The following CORIN variants were observed in gnomAD, a reference collection of about 807,000 sequenced individuals.
The protein encoded by CORIN is atrial natriuretic peptide-converting enzyme.
In CORIN, 117 loss-of-function variants were observed where a neutral mutation model predicts 125.3. That is an observed-to-expected ratio of 0.93 (90% CI 0.80 to 1.09). CORIN has a LOEUF of 1.09. Among genes scored for constraint, CORIN ranks in the 50% least tolerant of loss-of-function variants. The pLI is 0.00. For synonymous variants in CORIN, 450 were observed against 466.4 expected, an observed-to-expected ratio of 0.96 and a Z score of 0.45; for missense variants, 1,253 against 1,306.7, an observed-to-expected ratio of 0.96 and a Z score of 0.63.
Position 47,594,137 on chromosome 4 carries a change from T to A in CORIN, c.*1584A>T, listed in dbSNP as rs1387855216. 6.6e-6 allele frequency: 1 copy of A among 152,186 alleles called. No homozygotes were observed. Among genetic ancestry groups the A allele is most frequent in the East Asian group, 1.9e-4 (1 of 5,204 alleles). 9.4% of individuals were successfully genotyped at this position (152,186 alleles called of 1,614,324 possible). Reference sequence around the variant, plus strand: ...CTACAACTGTAACAAAACTGACATATGTTCTTGAACTTTCATACAATCGTG... The same window carrying A: ...CTACAACTGTAACAAAACTGACATAAGTTCTTGAACTTTCATACAATCGTG... On this transcript the variant is annotated 3_prime_UTR_variant, in exon 22 of 22. Coordinates refer to ENST00000273857, the MANE Select transcript of CORIN (RefSeq NM_006587.4).
intron 2 of CORIN, among the ~76,000 whole-genome samples, chr4:47,795,048 T>G (rs1731235427): frequency 6.6e-6 from 1 of 152,190 alleles, no homozygotes; most frequent in African/African-American, 2.4e-5. Flanking sequence ...AAAGAGAGTA[T>G]TCTTTCCCCC....
chr4:47,675,182 G>T (rs1724959248), intron 9 of CORIN, among the ~76,000 whole-genome samples: 1 of 152,060 alleles, frequency 6.6e-6, no homozygotes, highest in Non-Finnish European at 1.5e-5. Context: ...TTGATTCCCT[G>T]GTCATTTGTA....
chr4:47,661,827 C>G lies in CORIN; in HGVS notation c.1619G>C (p.Cys540Ser). The part of the protein sequence containing the change: ...RALCEHSKER[C>S]ESVLGIVGLQ... Reference sequence around the variant, plus strand: ...GCCCACAATCCCAAGAACAGACTCACAGCGTTCTTTAGAGTGTTCACACAA... The same window carrying G: ...GCCCACAATCCCAAGAACAGACTCAGAGCGTTCTTTAGAGTGTTCACACAA... The change falls in exon 12 of 22, where the codon TGT (cysteine) becomes TCT (serine). Residue 540 changes from cysteine (C) to serine (S), a missense_variant. Cys to Ser is a moderately radical substitution (Grantham distance 112). Transcript: ENST00000273857. 6.2e-7 allele frequency: 1 copy of G among 1,612,958 alleles called. No homozygotes were observed. The highest frequency in any genetic ancestry group is 8.5e-7 in the Non-Finnish European group (1 of 1,179,374).
intron 5 of CORIN, among the ~76,000 whole-genome samples, chr4:47,696,089 T>C (rs971767285): frequency 2.0e-5 from 3 of 152,234 alleles, no homozygotes; most frequent in Non-Finnish European, 2.9e-5. Context: ...GACAAATGTC[T>C]GTCTTGCAGT....
intron 1 of CORIN, among the ~76,000 whole-genome samples, chr4:47,833,202 CAT>C (rs1194074545): frequency 6.6e-6 from 1 of 151,676 alleles, no homozygotes; most frequent in Non-Finnish European, 1.5e-5. Flanking sequence ...GTATGGTACT[CAT>C]ATGAAAACAG....
intron 13 of CORIN, among the ~76,000 whole-genome samples, chr4:47,648,173 A>G (rs1380820176): frequency 6.6e-6 from 1 of 152,222 alleles, no homozygotes; most frequent in Non-Finnish European, 1.5e-5. Context: ...TATATTCTAA[A>G]AGGAAAAGGA....
chr4:47,817,717 G>A (rs73137918), intron 1 of CORIN, among the ~76,000 whole-genome samples: 2,492 of 152,286 alleles, frequency 0.016, 80 homozygotes, highest in African/African-American at 0.058. Context: ...TCCTCCTTAT[G>A]TTGTTTTAAG....
chr4:47,776,638 G>C (rs1730316221), intron 3 of CORIN, among the ~76,000 whole-genome samples: 1 of 152,138 alleles, frequency 6.6e-6, no homozygotes, highest in African/African-American at 2.4e-5. Context: ...CTCTGAGCTT[G>C]AGTACTTAAA....
Position 47,623,096 on chromosome 4 carries a change from C to CTATATATATA in CORIN, c.2540+465_2540+474dup, listed in dbSNP as rs1553904935. Among the ~76,000 whole-genome samples, 41 of 102,294 alleles carry CTATATATATA rather than the reference C, an allele frequency of 4.0e-4. No individual in the cohort carries two copies. The East Asian group carries it at 6.0e-3, about 15-fold the overall frequency. The allele number at this position is 102,294 out of a possible 152,430, so 67.1% of individuals were successfully genotyped here. ...TCTCTCTCTCTCTCTCTCTCTCTCT[C>CTATATATATA]TATATATATATATATATATATACAC... On this transcript the variant is annotated intron_variant, in intron 19 of 21. Transcript: ENST00000273857.
chr4:47,614,145 A>C (rs1214743893), intron 19 of CORIN, among the ~76,000 whole-genome samples: 1 of 152,202 alleles, frequency 6.6e-6, no homozygotes, highest in African/African-American at 2.4e-5. Flanking sequence ...GTAGATAAGT[A>C]AGACAAAGCA....
At position 47,623,922 on chromosome 4, in the gene CORIN, A is replaced by G. The variant is rs1261314497; in HGVS notation, c.2342T>C (p.Ile781Thr). 1 of 1,613,868 alleles carries G rather than the reference A, an allele frequency of 6.2e-7. No homozygotes were observed. Among genetic ancestry groups the G allele is most frequent in the South Asian group, 1.1e-5 (1 of 91,048 alleles). ...ACCTTGTTTAGTACACAGAAGAGAA[A>G]TTTTACTTCTGCTCTCACAAGACTG... ...NGQSCESRSKISLLCTKQDCG... is the reference protein window; with the variant it reads ...NGQSCESRSKTSLLCTKQDCG... The change falls in exon 18 of 22, where the codon ATT becomes ACT. Residue 781 changes from isoleucine (I) to threonine (T), a missense_variant. Transcript: ENST00000273857.
At chr4:47,640,551 AAAAC>A (rs1384959527) in intron 16 of CORIN, among the ~76,000 whole-genome samples, 1 of 152,224 alleles carries the variant, frequency 6.6e-6, no homozygotes, top group Non-Finnish European at 1.5e-5. Context: ...AAAGTGTTCT[AAAAC>A]AAAGAGTGGT....
rs138248063 is a variant in CORIN, at chr4:47,676,211, T to C, written c.1250-1711A>G. 7.2e-5 allele frequency among the ~76,000 whole-genome samples: 11 copies of C among 152,338 alleles called. No homozygotes were observed. The East Asian group carries it at 2.1e-3, about 29-fold the overall frequency. On this transcript the variant is annotated intron_variant, in intron 9 of 21. Transcript: ENST00000273857. Reference sequence around the variant, plus strand: ...AACCTGCAACCCATGCTGACAATTATGTAGTATTTAGTACCAGGCCCCCTT... The same window carrying C: ...AACCTGCAACCCATGCTGACAATTACGTAGTATTTAGTACCAGGCCCCCTT...
chr4:47,813,328 C>T (rs1252640941), intron 1 of CORIN, among the ~76,000 whole-genome samples: 1 of 152,210 alleles, frequency 6.6e-6, no homozygotes, highest in Admixed American at 6.6e-5. Flanking sequence ...AAACCATAGT[C>T]CAAGTCCTTG....
At chr4:47,787,953 T>C (rs992728096) in intron 2 of CORIN, among the ~76,000 whole-genome samples, 1 of 152,250 alleles carries the variant, frequency 6.6e-6, no homozygotes, top group Admixed American at 6.5e-5. Context: ...TATCCATTCA[T>C]TGACAAAACA....
At chr4:47,696,809 A>G (rs964194925) in intron 5 of CORIN, among the ~76,000 whole-genome samples, 2 of 152,298 alleles carry the variant, frequency 1.3e-5, no homozygotes, top group East Asian at 3.9e-4. Flanking sequence ...ATTTTCTGCA[A>G]TTGCTTCCAG....
intron 10 of CORIN, among the ~76,000 whole-genome samples, chr4:47,667,154 TTCTTC>T (rs896549935): frequency 2.6e-5 from 4 of 152,218 alleles, no homozygotes; most frequent in African/African-American, 9.6e-5. Flanking sequence ...TTGGCTCTCA[TTCTTC>T]TCTTGTCTGC....
At chr4:47,673,951 A>G (rs952466470) in intron 10 of CORIN, among the ~76,000 whole-genome samples, 3 of 152,024 alleles carry the variant, frequency 2.0e-5, no homozygotes, top group Non-Finnish European at 2.9e-5. Context: ...AGCCTCGGTG[A>G]CAGAGTGAGA....
intron 3 of CORIN, among the ~76,000 whole-genome samples, chr4:47,772,076 C>CATAGATAGATAG (rs57915863): frequency 0.023 from 3,386 of 149,094 alleles, 42 homozygotes; most frequent in East Asian, 0.03. Context: ...TTTCACATTA[C>CATAGATAGATAG]ATAGATAGAT....
Sources: allele counts gnomAD v4.1 joint callset (sites outside exome capture counted in the v4.1 genomes callset), GRCh38; gene constraint gnomAD v4.1.1; transcripts MANE v1.5; gene names NCBI Gene and HGNC (gene_info 2026-07-23, HGNC 2026-07-21).